Variants in RGS22 observed in about 807,000 individuals in gnomAD.
RGS22 encodes regulator of G-protein signaling 22.
RGS22 carries 148 observed loss-of-function variants against 172.9 expected under a neutral mutation model. The ratio of observed to expected loss-of-function variants is 0.86; its 90% CI spans 0.75 to 0.98. The LOEUF is 0.98. Ranked by LOEUF, RGS22 falls within the 50% of genes least tolerant of loss-of-function variation. The pLI, the probability that RGS22 is intolerant of heterozygous loss-of-function variation, is 0.00. For missense variants in RGS22, 1,347 were observed against 1,440.8 expected, an observed-to-expected ratio of 0.93 and a Z score of 1.05; for synonymous variants, 458 against 480.2, an observed-to-expected ratio of 0.95 and a Z score of 0.60.
chr8:100,018,720 C>T (rs1817284608), intron 14 of RGS22, among the ~76,000 whole-genome samples: 1 of 152,100 alleles, frequency 6.6e-6, no homozygotes, highest in Admixed American at 6.6e-5. Flanking sequence ...TTTCCCATTG[C>T]AATTTATATT....
At chr8:100,050,517 C>T (rs559405027) in intron 10 of RGS22, among the ~76,000 whole-genome samples, 33 of 152,294 alleles carry the variant, frequency 2.2e-4, no homozygotes, top group African/African-American at 7.9e-4. Flanking sequence ...TATATATCTT[C>T]TGCCTTTTAA....
intron 18 of RGS22, among the ~76,000 whole-genome samples, chr8:100,000,809 C>A (rs570317467): frequency 6.6e-6 from 1 of 152,142 alleles, no homozygotes; most frequent in Admixed American, 6.6e-5. Context: ...AAGGACAAAG[C>A]ATTTTTGTCA....
intron 23 of RGS22, among the ~76,000 whole-genome samples, chr8:99,975,065 G>C (rs116732673): frequency 0.012 from 1,761 of 152,070 alleles, 45 homozygotes; most frequent in African/African-American, 0.041. Flanking sequence ...AGAATCGCTT[G>C]ATCATGGGAG....
intron 10 of RGS22, 35 bp downstream of exon 10, chr8:100,052,767 C>A: frequency 1.3e-6 from 2 of 1,585,628 alleles, no homozygotes; most frequent in Non-Finnish European, 1.7e-6. Context: ...TTACTACAAA[C>A]TTAGTAGAGA....
intron 14 of RGS22, among the ~76,000 whole-genome samples, chr8:100,035,176 C>T (rs980550890): frequency 6.6e-6 from 1 of 152,006 alleles, no homozygotes; most frequent in Non-Finnish European, 1.5e-5. Flanking sequence ...AGGCAACCTA[C>T]AAAATGGGAG....
At chr8:100,071,279 C>T (rs956187907) in intron 6 of RGS22, 90 bp downstream of exon 6, 1 of 1,142,202 alleles carries the variant, frequency 8.8e-7, no homozygotes, top group Non-Finnish European at 1.2e-6. Context: ...AGAGTGAGAT[C>T]CTGTCTCAAA....
In RGS22 at chr8:100,004,073, C is replaced by A; in HGVS notation, c.2480G>T (p.Gly827Val). The A allele has an allele frequency of 6.3e-7, 1 of 1,599,334 alleles. No individual in the cohort carries two copies. The highest frequency in any genetic ancestry group is 8.5e-7 in the Non-Finnish European group (1 of 1,172,168). The change falls in exon 17 of 28, where the codon GGC (glycine) becomes GTC (valine). Residue 827 changes from glycine to valine, a missense_variant. Physicochemically the swap from Gly to Val is moderately radical, Grantham distance 109 (BLOSUM62 -3). Transcript: ENST00000360863. ...AGAGACGTTAGAGAGTGATAAAATG[C>A]CAGTTCCAATTTCACAAGTGGTGTC... is the stretch of plus-strand genomic sequence containing the variant. Reference protein sequence around the residue: ...AEDTTCEIGTGILSLSNVSKR... With the variant: ...AEDTTCEIGTVILSLSNVSKR...
intron 20 of RGS22, 143 bp downstream of exon 20, chr8:99,996,319 A>G (rs956018843): frequency 3.1e-6 from 2 of 646,174 alleles, no homozygotes; most frequent in East Asian, 5.5e-5. Context: ...CCATTCATCA[A>G]TTAAAAACAG....
At chr8:100,016,861 C>T (rs7825413) in intron 14 of RGS22, among the ~76,000 whole-genome samples, 1,846 of 151,238 alleles carry the variant, frequency 0.012, 33 homozygotes, top group African/African-American at 0.039. Flanking sequence ...CACATGTATA[C>T]ATATGTAACT....
At chr8:100,105,803 G>A (rs1586318603) in intron 1 of RGS22, 94 bp downstream of exon 1, 2 of 1,132,262 alleles carry the variant, frequency 1.8e-6, no homozygotes, top group East Asian at 6.0e-5. Flanking sequence ...CGGGGATACC[G>A]CTAGGAGGGC....
At chr8:100,059,307 A>G (rs1473297349) in intron 9 of RGS22, among the ~76,000 whole-genome samples, 1 of 152,122 alleles carries the variant, frequency 6.6e-6, no homozygotes, top group African/African-American at 2.4e-5. Context: ...ATATTGATGT[A>G]AATGGGCTAA....
chr8:100,055,641 G>T (rs1271917321), intron 9 of RGS22, among the ~76,000 whole-genome samples: 1 of 152,170 alleles, frequency 6.6e-6, no homozygotes, highest in East Asian at 1.9e-4. Flanking sequence ...CCGATGGGAG[G>T]TAACTGAATC....
intron 9 of RGS22, among the ~76,000 whole-genome samples, chr8:100,058,876 A>G (rs1809868718): frequency 6.6e-6 from 1 of 152,216 alleles, no homozygotes; most frequent in Non-Finnish European, 1.5e-5. Context: ...TGTAATAGTG[A>G]TATGTAAACT....
chr8:100,070,027 C>CAAAAAAAAAAA (rs777398611), intron 6 of RGS22, among the ~76,000 whole-genome samples: 26 of 39,816 alleles, frequency 6.5e-4, no homozygotes, highest in African/African-American at 1.7e-3. Context: ...GACTCTGTCT[C>CAAAAAAAAAAA]AAAAAAAAAA....
At chr8:100,087,386 G>C (rs937809629) in intron 3 of RGS22, among the ~76,000 whole-genome samples, 1 of 152,062 alleles carries the variant, frequency 6.6e-6, no homozygotes, top group East Asian at 1.9e-4. Context: ...CCTGAAGGTG[G>C]TGAAAGCTAA....
At chr8:99,981,751 G>A (rs1436076466) in intron 22 of RGS22, among the ~76,000 whole-genome samples, 186 bp downstream of exon 22, 12 of 145,804 alleles carry the variant, frequency 8.2e-5, no homozygotes, top group East Asian at 2.0e-4. Context: ...TTTAAGAGAC[G>A]GGGTTTCACT....
chr8:100,088,190 T>G (rs541897957), intron 3 of RGS22, among the ~76,000 whole-genome samples: 81 of 152,198 alleles, frequency 5.3e-4, no homozygotes, highest in African/African-American at 1.9e-3. Flanking sequence ...GTAAAAAGTG[T>G]GGAGAATCAG....
intron 21 of RGS22, among the ~76,000 whole-genome samples, chr8:99,986,336 G>A (rs1813096125): frequency 6.6e-6 from 1 of 152,134 alleles, no homozygotes; most frequent in African/African-American, 2.4e-5. Context: ...GGAAAAGCTT[G>A]GAAATAAATT....
In RGS22 at chr8:100,045,087, G is replaced by A. The variant is rs182045416; in HGVS notation, c.1823+2376C>T. ...AGGCCAGGAGTTCAAGACCAGCCTG[G>A]GCAACATTGAGAGAACCCATCTCTA... On this transcript the variant is annotated intron_variant, in intron 11 of 27. Transcript: ENST00000360863. 6.5e-3 allele frequency among the ~76,000 whole-genome samples: 987 copies of A among 151,506 alleles called. 15 individuals are homozygous for A. The highest frequency in any genetic ancestry group is 0.022 in the African/African-American group (908 of 41,156).
Sources: allele counts gnomAD v4.1 joint callset (sites outside exome capture counted in the v4.1 genomes callset), GRCh38; gene constraint gnomAD v4.1.1; transcripts MANE v1.5; gene names NCBI Gene and HGNC (gene_info 2026-07-23, HGNC 2026-07-21).